SCTR: variants seen among roughly 807,000 people sequenced by gnomAD.
SCTR encodes pancreatic secretin receptor.
A neutral mutation model predicts 60.8 loss-of-function variants in SCTR; 56 were observed. The ratio of observed to expected loss-of-function variants is 0.92; its 90% confidence interval spans 0.74 to 1.15. The LOEUF is 1.15. SCTR is among the 50% of genes most tolerant of loss of function. The pLI, the probability that SCTR is intolerant of heterozygous loss-of-function variation, is 0.00. For missense variants in SCTR, 562 were observed against 550.4 expected, an observed-to-expected ratio of 1.02 and a Z score of -0.21; for synonymous variants, 202 against 217.0, an observed-to-expected ratio of 0.93 and a Z score of 0.61.
intron 9 of SCTR, 104 bp from the exon 10 acceptor site, chr2:119,448,884 A>C: frequency 1.5e-6 from 1 of 664,392 alleles, no homozygotes; most frequent in Non-Finnish European, 2.7e-6. Flanking sequence ...CATTGCAGAC[A>C]CCACAGCCAG....
At chr2:119,483,235 T>A (rs1187607915) in intron 2 of SCTR, among the ~76,000 whole-genome samples, 1 of 152,158 alleles carries the variant, frequency 6.6e-6, no homozygotes, top group Non-Finnish European at 1.5e-5. Context: ...TGGATGCACA[T>A]CAGACATCCT....
intron 11 of SCTR, among the ~76,000 whole-genome samples, chr2:119,443,122 C>T (rs545543406): frequency 2.6e-4 from 39 of 152,230 alleles, no homozygotes; most frequent in African/African-American, 8.4e-4. Context: ...GCCTCCGCTG[C>T]GCTAGGGTCC....
intron 2 of SCTR, among the ~76,000 whole-genome samples, chr2:119,483,003 G>A (rs1677700638): frequency 6.6e-6 from 1 of 152,258 alleles, no homozygotes. Context: ...AAAGGCAGGA[G>A]CCTTTTGCCT....
intron 1 of SCTR, among the ~76,000 whole-genome samples, chr2:119,515,854 T>G (rs2104950157): frequency 6.6e-6 from 1 of 152,330 alleles, no homozygotes; most frequent in East Asian, 1.9e-4. Context: ...TTTCCTAGTG[T>G]CTCAGTGTAA....
At chr2:119,523,601 C>G (rs1000645244) in intron 1 of SCTR, among the ~76,000 whole-genome samples, 6 of 151,890 alleles carry the variant, frequency 4.0e-5, no homozygotes, top group African/African-American at 7.2e-5. Flanking sequence ...CCAGAGCTCC[C>G]TCAGGTTTTC....
At chr2:119,519,179 G>T (rs1679208959) in intron 1 of SCTR, among the ~76,000 whole-genome samples, 1 of 151,978 alleles carries the variant, frequency 6.6e-6, no homozygotes, top group Admixed American at 6.6e-5. Context: ...GGTCGGACTG[G>T]TCTCAGACTG....
At chr2:119,440,306 C>T (rs747152567) in intron 12 of SCTR, 49 bp from the exon 13 acceptor site, 29 of 1,575,746 alleles carry the variant, frequency 1.8e-5, no homozygotes, top group Non-Finnish European at 2.5e-5. Flanking sequence ...CAGTTCTGTG[C>T]CTGGAGCCCT....
intron 12 of SCTR, among the ~76,000 whole-genome samples, chr2:119,441,100 T>C (rs1044055649): frequency 6.6e-6 from 1 of 152,094 alleles, no homozygotes; most frequent in Non-Finnish European, 1.5e-5. Flanking sequence ...TCCCTAAGGA[T>C]TGAGCTGCAG....
At chr2:119,504,669 T>A (rs955438690) in intron 1 of SCTR, among the ~76,000 whole-genome samples, 1 of 151,322 alleles carries the variant, frequency 6.6e-6, no homozygotes, top group Non-Finnish European at 1.5e-5. Context: ...CTGCATAGAG[T>A]TCTTATGCTT....
chr2:119,443,554 AT>A (rs962203055), intron 11 of SCTR, among the ~76,000 whole-genome samples: 7 of 151,498 alleles, frequency 4.6e-5, no homozygotes, highest in African/African-American at 1.2e-4. Flanking sequence ...GTGAATACAT[AT>A]TTTTTTTTGG....
intron 2 of SCTR, among the ~76,000 whole-genome samples, chr2:119,484,250 C>A (rs1249810398): frequency 6.6e-6 from 1 of 152,206 alleles, no homozygotes; most frequent in Non-Finnish European, 1.5e-5. Context: ...GCTGTGTGGG[C>A]AGGCAGATCC....
At position 119,499,237 on chromosome 2, in the gene SCTR, A is replaced by G. The variant is rs569530432; in HGVS notation, c.73-4689T>C. On this transcript the variant is annotated intron_variant, in intron 1 of 12. Coordinates refer to ENST00000019103, the MANE Select transcript of SCTR (RefSeq NM_002980.3). Reference sequence around the variant, plus strand: ...TGTAAAATATGTGAAACAAAAACTGATAGAACTGAAAGGAGAAATAGGCAA... The same window carrying G: ...TGTAAAATATGTGAAACAAAAACTGGTAGAACTGAAAGGAGAAATAGGCAA... Among the ~76,000 whole-genome samples the G allele has an allele frequency of 2.0e-5, 3 of 152,218 alleles. No individual in the cohort carries two copies. The South Asian group carries it at 6.2e-4, about 32-fold the overall frequency.
intron 2 of SCTR, among the ~76,000 whole-genome samples, chr2:119,481,014 G>A (rs1194082149): frequency 6.6e-6 from 1 of 152,236 alleles, no homozygotes; most frequent in East Asian, 1.9e-4. Context: ...GCTATCCAGA[G>A]GAAGAGCTCA....
rs780066196 is a variant in SCTR, at chr2:119,440,192, CA to C, written c.1247del (p.Val416GlyfsTer64). 2 of 1,614,074 alleles carry C rather than the reference CA, an allele frequency of 1.2e-6. No homozygotes were observed. The highest frequency in any genetic ancestry group is 3.3e-4 in the Middle Eastern group (2 of 6,002). On this transcript the variant is annotated frameshift_variant, in exon 13 of 13. Transcript: ENST00000019103. LOFTEE classifies it high-confidence loss of function. ...CCTTGGTGCTGTTGCTGAAGGAGGCCACGGGGTGCAGTGGGAACTCACGGAG... is the reference window on the plus strand; with the variant it reads ...CCTTGGTGCTGTTGCTGAAGGAGGCCCGGGGTGCAGTGGGAACTCACGGAG... Reference protein sequence around the residue: ...WHLREFPLHPVASFSNSTKAS... With the variant: ...WHLREFPLHPXASFSNSTKAS...
intron 1 of SCTR, among the ~76,000 whole-genome samples, chr2:119,502,040 G>A (rs1678571149): frequency 6.6e-6 from 1 of 152,194 alleles, no homozygotes; most frequent in African/African-American, 2.4e-5. Flanking sequence ...TGGATTGCTT[G>A]AATCCAGGAG....
At chr2:119,482,038 A>G (rs1007908472) in intron 2 of SCTR, among the ~76,000 whole-genome samples, 3 of 152,208 alleles carry the variant, frequency 2.0e-5, no homozygotes, top group African/African-American at 7.2e-5. Context: ...AAGCAGAGCC[A>G]GAAGTGGCTT....
At chr2:119,441,801 CTG>C (rs1682667058) in intron 11 of SCTR, 1 of 569,140 alleles carries the variant, frequency 1.8e-6, no homozygotes, top group Non-Finnish European at 3.2e-6. Flanking sequence ...CCAGCATAAA[CTG>C]TGAACTCCTT....
At chr2:119,441,075 G>A (rs1448832655) in intron 12 of SCTR, among the ~76,000 whole-genome samples, 1 of 152,214 alleles carries the variant, frequency 6.6e-6, no homozygotes, top group Admixed American at 6.5e-5. Context: ...CAAGGAGTCA[G>A]TGCTCATCTG....
In SCTR at chr2:119,473,474, G is replaced by A. The variant is rs147612264; in HGVS notation, c.384C>T (p.Asn128=). The change falls in exon 4 of 13, where the codon AAC becomes AAT. Residue 128 remains asparagine (N), a synonymous_variant. Transcript: ENST00000019103. ...TTACCCGCTTCTCGTTGGAAGAGTC[G>A]TTCACATTAACGCCACAGGCCAGAT... is the stretch of plus-strand genomic sequence containing the variant. ...RPNLACGVNV[N]DSSNEKRHSY... is the part of the protein sequence containing the mutation. 66 of 1,613,046 alleles carry A rather than the reference G, an allele frequency of 4.1e-5. No homozygotes were observed. Among genetic ancestry groups the A allele is most frequent in the Non-Finnish European group, 4.9e-5 (58 of 1,179,200 alleles).
Sources: allele counts gnomAD v4.1 joint callset (sites outside exome capture counted in the v4.1 genomes callset), GRCh38; gene constraint gnomAD v4.1.1; transcripts MANE v1.5; gene names NCBI Gene and HGNC (gene_info 2026-07-23, HGNC 2026-07-21).